PFKFB3: variants seen among roughly 807,000 people sequenced by gnomAD.
PFKFB3 encodes the protein 6-phosphofructo-2-kinase/fructose-2,6-bisphosphatase 3.
In PFKFB3, 33 loss-of-function variants were observed where a neutral mutation model predicts 68.0. The observed-to-expected ratio is 0.49, with a 90% confidence interval of 0.37 to 0.65. The LOEUF is 0.65. PFKFB3 is among the 30% of genes least tolerant of loss of function. The pLI is 0.00. For missense variants in PFKFB3, 586 were observed against 712.2 expected, an observed-to-expected ratio of 0.82 and a Z score of 2.02; for synonymous variants, 315 against 288.2, an observed-to-expected ratio of 1.09 and a Z score of -0.94.
At chr10:6,156,900 T>C (rs938302248) in intron 1 of PFKFB3, among the ~76,000 whole-genome samples, 3 of 151,532 alleles carry the variant, frequency 2.0e-5, no homozygotes, top group Non-Finnish European at 4.4e-5. Context: ...AAGGCCAGCC[T>C]GGGCAACATG....
At chr10:6,293,230 A>G in the PFKFB3 span, 1 of 466,760 alleles carries the variant, frequency 2.1e-6, no homozygotes, top group African/African-American at 2.0e-5. Context: ...GTATGTCTGC[A>G]ATTTGAGAGT....
intron 1 of PFKFB3, among the ~76,000 whole-genome samples, chr10:6,184,030 G>A (rs543107665): frequency 9.5e-4 from 111 of 117,198 alleles, no homozygotes; most frequent in Non-Finnish European, 1.6e-3. Flanking sequence ...GAGCATCACT[G>A]GAGATGCTTT....
Position 6,215,356 on chromosome 10 carries a change from A to C in PFKFB3, c.299+39A>C. 6.7e-7 allele frequency: 1 copy of C among 1,497,050 alleles called. No individual in the cohort carries two copies. Among genetic ancestry groups the C allele is most frequent in the Non-Finnish European group, 9.3e-7 (1 of 1,076,910 alleles). 92.7% of individuals were successfully genotyped at this position (1,497,050 alleles called of 1,614,324 possible). Reference sequence around the variant, plus strand: ...GCGGGCGTAGGGCTGGGCTGTGGGAATAAGGCTGGGCCGCGGGCATAAGGC... The same window carrying C: ...GCGGGCGTAGGGCTGGGCTGTGGGACTAAGGCTGGGCCGCGGGCATAAGGC... On this transcript the variant is annotated intron_variant, in intron 3 of 14. Coordinates refer to ENST00000379775, the MANE Select transcript of PFKFB3 (RefSeq NM_004566.4). This position sits in a 1 kb window ranked among gnomAD's most constrained non-coding sequence, Gnocchi z 4.3.
At position 6,203,203 on chromosome 10, in the gene PFKFB3, T is replaced by A. The variant is rs2131859111; in HGVS notation, c.-58T>A. On this transcript the variant is annotated 5_prime_UTR_variant, in exon 1 of 15. Transcript: ENST00000379775. ...TTGTTCCGGGGGTCGGCGGCCGCTCTCCTGCCAGCGTCGGGATCTCGGCCC... is the reference window on the plus strand; with the variant it reads ...TTGTTCCGGGGGTCGGCGGCCGCTCACCTGCCAGCGTCGGGATCTCGGCCC... 1 of 1,585,852 alleles carries A rather than the reference T, an allele frequency of 6.3e-7. No homozygotes were observed. The highest frequency in any genetic ancestry group is 2.3e-5 in the East Asian group (1 of 43,344).
At chr10:6,171,968 C>T (rs965024025) in intron 1 of PFKFB3, among the ~76,000 whole-genome samples, 2 of 152,216 alleles carry the variant, frequency 1.3e-5, no homozygotes, top group African/African-American at 4.8e-5. Flanking sequence ...CTGCAGCTGG[C>T]GGGCTGATTC....
the PFKFB3 span, among the ~76,000 whole-genome samples, chr10:6,313,163 A>G: frequency 6.6e-6 from 1 of 152,344 alleles, no homozygotes; most frequent in East Asian, 1.9e-4. This position sits in a 1 kb window ranked among gnomAD's most constrained non-coding sequence, Gnocchi z 4.2. Context: ...AAATCAAGAA[A>G]TTAAATGTCC....
At chr10:6,225,304 G>T in intron 13 of PFKFB3, 2 of 434,212 alleles carry the variant, frequency 4.6e-6, no homozygotes, top group Non-Finnish European at 9.4e-6. Context: ...AAGGGATGAG[G>T]TGTCCGCCCC....
At chr10:6,209,995 G>A (rs1389375537) in intron 1 of PFKFB3, among the ~76,000 whole-genome samples, 2 of 149,174 alleles carry the variant, frequency 1.3e-5, no homozygotes, top group Non-Finnish European at 3.0e-5. Flanking sequence ...CTTGTGATCC[G>A]CCCGCCTCGG....
chr10:6,222,138 T>A (rs1845008884), intron 10 of PFKFB3, among the ~76,000 whole-genome samples: 1 of 152,016 alleles, frequency 6.6e-6, no homozygotes, highest in Non-Finnish European at 1.5e-5. Flanking sequence ...GATGGGATCC[T>A]CCTGGGCCTG....
intron 14 of PFKFB3, among the ~76,000 whole-genome samples, chr10:6,247,990 G>C (rs1163210492): frequency 1.3e-5 from 2 of 152,210 alleles, no homozygotes. Context: ...AGGTCACCCT[G>C]GGTAGAGCAG....
In PFKFB3 at chr10:6,203,223, C is replaced by T. The variant is rs369169953; in HGVS notation, c.-38C>T. 3 of 1,598,922 alleles carry T rather than the reference C, an allele frequency of 1.9e-6. No individual in the cohort carries two copies. The African/African-American group carries it at 4.0e-5, about 22-fold the overall frequency. ...CGCTCTCCTGCCAGCGTCGGGATCT[C>T]GGCCCCGGGAGGCGGGCCGTCGGGC... On this transcript the variant is annotated 5_prime_UTR_variant, in exon 1 of 15. Coordinates refer to ENST00000379775, the MANE Select transcript of PFKFB3 (RefSeq NM_004566.4).
At chr10:6,178,390 G>A (rs758883550) in intron 1 of PFKFB3, among the ~76,000 whole-genome samples, 3 of 152,204 alleles carry the variant, frequency 2.0e-5, no homozygotes, top group African/African-American at 4.8e-5. Flanking sequence ...AGCAACAAGA[G>A]AACAGCGAAG....
chr10:6,236,944 G>T (rs972351816), downstream of PFKFB3, among the ~76,000 whole-genome samples: 2 of 152,154 alleles, frequency 1.3e-5, no homozygotes, highest in African/African-American at 4.8e-5. Flanking sequence ...GGGCCGGAGA[G>T]GGGTGGACGT....
chr10:6,221,238 C>G (rs186763073), intron 8 of PFKFB3, 143 bp from the exon 9 acceptor site: 1 of 880,930 alleles, frequency 1.1e-6, no homozygotes, highest in African/African-American at 1.7e-5. Flanking sequence ...AGGGTGTGTG[C>G]GGCTGTGGCT....
At chr10:6,288,310 G>C in the PFKFB3 span, among the ~76,000 whole-genome samples, 1 of 147,188 alleles carries the variant, frequency 6.8e-6, no homozygotes, top group African/African-American at 2.5e-5. Flanking sequence ...CCATTAACTC[G>C]TCATTTAGCA....
At chr10:6,271,310 T>G in the PFKFB3 span, among the ~76,000 whole-genome samples, 1 of 152,234 alleles carries the variant, frequency 6.6e-6, no homozygotes, top group Non-Finnish European at 1.5e-5. Flanking sequence ...AATTTATGAT[T>G]TCCTGGTGCG....
chr10:6,277,526 G>C, the PFKFB3 span, among the ~76,000 whole-genome samples: 1 of 152,066 alleles, frequency 6.6e-6, no homozygotes, highest in African/African-American at 2.4e-5. Flanking sequence ...CGGCCGTGGG[G>C]GTGGTTTCTA....
chr10:6,299,729 C>T, the PFKFB3 span, among the ~76,000 whole-genome samples: 8 of 152,310 alleles, frequency 5.3e-5, no homozygotes, highest in Non-Finnish European at 8.8e-5. Context: ...TTACCTCCAA[C>T]CTTGCTCCCT....
At chr10:6,155,005 A>T (rs567467355) in intron 1 of PFKFB3, among the ~76,000 whole-genome samples, 1 of 152,318 alleles carries the variant, frequency 6.6e-6, no homozygotes, top group South Asian at 2.1e-4. Context: ...GATGGGACCC[A>T]GTAAGCAGCC....
Sources: gnomAD v4.1 joint callset for allele counts (sites outside exome capture counted in the v4.1 genomes callset) on GRCh38, gnomAD v4.1.1 for gene constraint, Gnocchi (gnomAD v3.1) non-coding constraint, MANE v1.5 for transcripts, NCBI Gene and HGNC (gene_info 2026-07-23, HGNC 2026-07-21) for gene names.